The following AKAP19 variants were observed in gnomAD, a reference collection of about 807,000 sequenced individuals.
The protein encoded by AKAP19 is A-kinase anchoring protein 19.
At chr2:190,036,884 T>C in the AKAP19 span, among the ~76,000 whole-genome samples, 7 of 152,328 alleles carry the variant, frequency 4.6e-5, no homozygotes, top group Non-Finnish European at 1.0e-4. Context: ...GGTGCAACAT[T>C]ATCTAATCTG....
chr2:190,123,177 T>C, the AKAP19 span, among the ~76,000 whole-genome samples: 7 of 152,206 alleles, frequency 4.6e-5, no homozygotes, highest in Non-Finnish European at 1.0e-4. Context: ...ATATAACTTA[T>C]TCTGAGTTTT....
chr2:189,998,771 C>CTTTTTTTTTT, the AKAP19 span, among the ~76,000 whole-genome samples: 121 of 97,518 alleles, frequency 1.2e-3, no homozygotes, highest in East Asian at 2.2e-3. Flanking sequence ...TTCTTTCTTT[C>CTTTTTTTTTT]TTTTTTTTTT....
At chr2:189,923,165 A>G in the AKAP19 span, among the ~76,000 whole-genome samples, 236 of 152,058 alleles carry the variant, frequency 1.6e-3, 2 homozygotes, top group Middle Eastern at 0.034. Context: ...AAAATAAATA[A>G]ATAGGCCATT....
At chr2:189,977,892 A>G in the AKAP19 span, among the ~76,000 whole-genome samples, 1 of 152,250 alleles carries the variant, frequency 6.6e-6, no homozygotes, top group African/African-American at 2.4e-5. Context: ...AGTAGAAACC[A>G]TACTGCTAGT....
At chr2:189,963,845 C>A in the AKAP19 span, among the ~76,000 whole-genome samples, 1 of 151,776 alleles carries the variant, frequency 6.6e-6, no homozygotes, top group South Asian at 2.1e-4. Flanking sequence ...CTCACTGCAG[C>A]CTCGACCTCC....
chr2:190,192,041 C>A, the AKAP19 span, among the ~76,000 whole-genome samples: 1 of 151,804 alleles, frequency 6.6e-6, no homozygotes, highest in Non-Finnish European at 1.5e-5. Flanking sequence ...CTTTTCCTAA[C>A]CCAAGATCGC....
the AKAP19 span, among the ~76,000 whole-genome samples, chr2:190,071,693 A>G: frequency 6.6e-6 from 1 of 152,312 alleles, no homozygotes; most frequent in South Asian, 2.1e-4. Flanking sequence ...TATCATTAAT[A>G]TTAATTTGTA....
chr2:189,912,402 A>G, the AKAP19 span, among the ~76,000 whole-genome samples: 19 of 152,070 alleles, frequency 1.2e-4, no homozygotes, highest in African/African-American at 4.6e-4. Flanking sequence ...TTAGCTGGGC[A>G]TAGTGGCTCA....
At chr2:190,108,288 T>TG in the AKAP19 span, among the ~76,000 whole-genome samples, 1 of 152,148 alleles carries the variant, frequency 6.6e-6, no homozygotes, top group Admixed American at 6.5e-5. Context: ...CTTGAGTAGC[T>TG]GGGATTACAA....
chr2:190,147,084 G>A, the AKAP19 span, among the ~76,000 whole-genome samples: 1 of 152,182 alleles, frequency 6.6e-6, no homozygotes, highest in African/African-American at 2.4e-5. Context: ...CTAAGCCAAT[G>A]TCTAGAAGGG....
the AKAP19 span, among the ~76,000 whole-genome samples, chr2:190,026,064 C>T: frequency 6.6e-5 from 10 of 152,170 alleles, no homozygotes; most frequent in Admixed American, 4.6e-4. Context: ...AAAATACAAA[C>T]ATCTTCAGCT....
the AKAP19 span, among the ~76,000 whole-genome samples, chr2:190,031,262 C>T: frequency 6.6e-6 from 1 of 152,142 alleles, no homozygotes; most frequent in Non-Finnish European, 1.5e-5. Context: ...TAGGGAAGGG[C>T]AGTATAGAGC....
chr2:190,090,601 T>C, the AKAP19 span, among the ~76,000 whole-genome samples: 1 of 152,198 alleles, frequency 6.6e-6, no homozygotes, highest in Non-Finnish European at 1.5e-5. Flanking sequence ...TATAACCAAG[T>C]TAGCTGCCAT....
chr2:189,913,671 T>C, the AKAP19 span, among the ~76,000 whole-genome samples: 1 of 152,098 alleles, frequency 6.6e-6, no homozygotes, highest in African/African-American at 2.4e-5. Context: ...TTCATTATCA[T>C]TTGTAGCTTA....
At chr2:190,091,781 G>T in the AKAP19 span, among the ~76,000 whole-genome samples, 1 of 151,762 alleles carries the variant, frequency 6.6e-6, no homozygotes, top group African/African-American at 2.4e-5. Context: ...TAAAATTCTT[G>T]GTTTCTAAAA....
At chr2:189,965,997 C>T in the AKAP19 span, among the ~76,000 whole-genome samples, 1 of 151,860 alleles carries the variant, frequency 6.6e-6, no homozygotes, top group African/African-American at 2.4e-5. Flanking sequence ...TGATGGTATA[C>T]TACTCAGCCA....
the AKAP19 span, among the ~76,000 whole-genome samples, chr2:190,075,256 G>A: frequency 6.6e-6 from 1 of 151,990 alleles, no homozygotes; most frequent in African/African-American, 2.4e-5. Flanking sequence ...AATGTAGTTG[G>A]TATTATTTAT....
At chr2:189,910,167 GTTAT>G in the AKAP19 span, among the ~76,000 whole-genome samples, 1 of 152,004 alleles carries the variant, frequency 6.6e-6, no homozygotes, top group Non-Finnish European at 1.5e-5. Context: ...AAGTGAAAGA[GTTAT>G]TTAAATTACT....
At chr2:189,931,183 TA>T in the AKAP19 span, among the ~76,000 whole-genome samples, 1 of 151,706 alleles carries the variant, frequency 6.6e-6, no homozygotes, top group Non-Finnish European at 1.5e-5. Flanking sequence ...TTGAAACAGT[TA>T]TGGTGGTTTG....
Sources: gnomAD v4.1 joint callset for allele counts (sites outside exome capture counted in the v4.1 genomes callset) on GRCh38, gnomAD v4.1.1 for gene constraint, MANE v1.5 for transcripts, NCBI Gene and HGNC (gene_info 2026-07-23, HGNC 2026-07-21) for gene names.